MARCHF5: variants seen among roughly 807,000 people sequenced by gnomAD.
MARCHF5 encodes E3 ubiquitin-protein ligase MARCHF5.
In MARCHF5, 5 loss-of-function variants were observed where a neutral mutation model predicts 36.5. The observed-to-expected ratio is 0.14, with a 90% CI of 0.07 to 0.29. The LOEUF (loss-of-function observed/expected upper bound fraction) is 0.29. Among genes scored for constraint, MARCHF5 ranks in the 10% least tolerant of loss-of-function variants. The pLI is 1.00. For missense variants in MARCHF5, 179 were observed against 336.3 expected (o/e 0.53, Z 3.66); for synonymous variants, 103 against 109.9 (o/e 0.94, Z 0.39).
At chr10:92,315,067 C>T (rs2135189857) in intron 2 of MARCHF5, among the ~76,000 whole-genome samples, 1 of 152,322 alleles carries the variant, frequency 6.6e-6, no homozygotes, top group Admixed American at 6.5e-5. Context: ...AGTGCTCTAG[C>T]TATGCTGATT....
intron 2 of MARCHF5, among the ~76,000 whole-genome samples, chr10:92,313,842 G>C (rs1423228612): frequency 1.3e-5 from 2 of 152,124 alleles, no homozygotes; most frequent in African/African-American, 4.8e-5. Flanking sequence ...ACAGTGAGCT[G>C]TGATTGCGCC....
rs1327346966 is a variant in MARCHF5 at position 92,307,202 on chromosome 10, TGTGTGTGTGTGC to T, written c.36-3931_36-3920del. On this transcript the variant is annotated intron_variant, in intron 1 of 5. Coordinates refer to ENST00000358935, the MANE Select transcript of MARCHF5 (RefSeq NM_017824.5). ...GTGTGTGTGTGTGTGTGTGTGTGTG[TGTGTGTGTGTGC>T]GCGTGCATGCACGCACGTGCCCTCC... Among the ~76,000 whole-genome samples the T allele has an allele frequency of 3.8e-3, 412 of 107,648 alleles. 2 individuals carry two copies. Among genetic ancestry groups the T allele is most frequent in the South Asian group, 0.023 (82 of 3,584 alleles). The allele number at this position is 107,648 out of a possible 152,430, so 70.6% of individuals were successfully genotyped here.
At chr10:92,321,601 TTA>T (rs1239837941) in intron 2 of MARCHF5, among the ~76,000 whole-genome samples, 13 of 152,048 alleles carry the variant, frequency 8.5e-5, no homozygotes, top group Non-Finnish European at 1.5e-5. Flanking sequence ...GATCCCTCCT[TTA>T]TGTTTTTTAA....
At chr10:92,330,142 C>G (rs1389158577) in intron 2 of MARCHF5, among the ~76,000 whole-genome samples, 1 of 152,144 alleles carries the variant, frequency 6.6e-6, no homozygotes, top group African/African-American at 2.4e-5. Flanking sequence ...CATGCCTGGC[C>G]CTTCATTTAG....
chr10:92,293,864 A>G (rs1342086282), intron 1 of MARCHF5, among the ~76,000 whole-genome samples: 1 of 152,182 alleles, frequency 6.6e-6, no homozygotes, highest in Non-Finnish European at 1.5e-5. Context: ...GTAGGTGACT[A>G]TGACACTGGC....
At chr10:92,321,213 A>G (rs1180262377) in intron 2 of MARCHF5, among the ~76,000 whole-genome samples, 1 of 152,058 alleles carries the variant, frequency 6.6e-6, no homozygotes, top group Non-Finnish European at 1.5e-5. Context: ...GTGGATACCC[A>G]TCATTGAGTA....
At chr10:92,320,834 A>T (rs937730564) in intron 2 of MARCHF5, among the ~76,000 whole-genome samples, 2 of 152,098 alleles carry the variant, frequency 1.3e-5, no homozygotes, top group Admixed American at 6.5e-5. Context: ...TACAATGTGT[A>T]TAAAGTCTAT....
chr10:92,326,954 A>C (rs1053357661), intron 2 of MARCHF5, among the ~76,000 whole-genome samples: 1 of 152,074 alleles, frequency 6.6e-6, no homozygotes, highest in African/African-American at 2.4e-5. Context: ...CTTGGTTATA[A>C]ATTATAACTA....
intron 2 of MARCHF5, among the ~76,000 whole-genome samples, chr10:92,336,057 C>G (rs150696203): frequency 2.0e-5 from 3 of 152,072 alleles, no homozygotes; most frequent in Non-Finnish European, 4.4e-5. Flanking sequence ...TTTTCTGAGA[C>G]GGAGTTTCGC....
intron 2 of MARCHF5, among the ~76,000 whole-genome samples, chr10:92,330,043 A>G (rs1444206371): frequency 6.6e-6 from 1 of 152,152 alleles, no homozygotes. Flanking sequence ...GGGTTTCACC[A>G]GGTTGGCCAG....
At chr10:92,325,968 C>T (rs377547211) in intron 2 of MARCHF5, among the ~76,000 whole-genome samples, 24 of 152,278 alleles carry the variant, frequency 1.6e-4, no homozygotes, top group Middle Eastern at 6.8e-3. Context: ...CATGAGCCAC[C>T]GTGCCCAGCT....
At chr10:92,336,658 C>T (rs1172486682) in intron 2 of MARCHF5, among the ~76,000 whole-genome samples, 2 of 152,014 alleles carry the variant, frequency 1.3e-5, no homozygotes, top group East Asian at 3.9e-4. Flanking sequence ...GAGGAAGGGG[C>T]ATGGTGGCAC....
chr10:92,332,550 G>T lies in MARCHF5; in HGVS notation c.239-8123G>T, dbSNP rs150169801. On this transcript the variant is annotated intron_variant, in intron 2 of 5. Coordinates refer to ENST00000358935, the MANE Select transcript of MARCHF5 (RefSeq NM_017824.5). ...TTTTTTTTTTTTTGAGACGGAGTTT[G>T]GCTCTTGTTGCCCAGGCTAGAGTGC... Among the ~76,000 whole-genome samples the T allele has an allele frequency of 2.8e-3, 277 of 98,374 alleles. 1 individual carries two copies. Among genetic ancestry groups the T allele is most frequent in the African/African-American group, 0.011 (261 of 24,716 alleles). The allele number at this position is 98,374 out of a possible 152,430, so 64.5% of individuals were successfully genotyped here. A position where few individuals can be genotyped will look rare whatever the true frequency, so the allele number is the denominator to read the frequency against.
At chr10:92,310,138 G>A (rs1236493443) in intron 1 of MARCHF5, among the ~76,000 whole-genome samples, 1 of 152,138 alleles carries the variant, frequency 6.6e-6, no homozygotes, top group African/African-American at 2.4e-5. Flanking sequence ...TAATACCTGA[G>A]TATATAGTCT....
chr10:92,297,483 C>CTTTTTTT (rs965295861), intron 1 of MARCHF5, among the ~76,000 whole-genome samples: 2 of 122,970 alleles, frequency 1.6e-5, no homozygotes, highest in Non-Finnish European at 3.4e-5. Flanking sequence ...CAGCTTTCAA[C>CTTTTTTT]TTTTTTTTTT....
chr10:92,298,684 C>T (rs1842975886), intron 1 of MARCHF5, among the ~76,000 whole-genome samples: 1 of 152,114 alleles, frequency 6.6e-6, no homozygotes, highest in African/African-American at 2.4e-5. Flanking sequence ...TCAAAATATC[C>T]TCCCACCTCA....
chr10:92,317,728 A>C (rs1416683849), intron 2 of MARCHF5, among the ~76,000 whole-genome samples: 1 of 148,402 alleles, frequency 6.7e-6, no homozygotes, highest in African/African-American at 2.5e-5. Flanking sequence ...AAATAGTTTT[A>C]CTTTTTGTTT....
chr10:92,296,901 C>CT (rs1842953987), intron 1 of MARCHF5, among the ~76,000 whole-genome samples: 1 of 152,154 alleles, frequency 6.6e-6, no homozygotes, highest in Admixed American at 6.6e-5. Flanking sequence ...TTCACATTTT[C>CT]TTTGTCAGTT....
At position 92,291,181 on chromosome 10, in the gene MARCHF5, G is replaced by C. The variant is rs566120489; in HGVS notation, c.-314G>C. ...CGGCGACTCTTACCTCACAAAGGTAGCTCCTCCGCCGGCAGCAACTCGGCG... is the reference window on the plus strand; with the variant it reads ...CGGCGACTCTTACCTCACAAAGGTACCTCCTCCGCCGGCAGCAACTCGGCG... On this transcript the variant is annotated 5_prime_UTR_variant, in exon 1 of 6. Coordinates refer to ENST00000358935, the MANE Select transcript of MARCHF5 (RefSeq NM_017824.5). 4.1e-6 allele frequency: 2 copies of C among 487,218 alleles called. No homozygotes were observed. The highest frequency in any genetic ancestry group is 4.2e-5 in the African/African-American group (2 of 48,036). 30.2% of individuals were successfully genotyped at this position (487,218 alleles called of 1,614,324 possible).
Sources: gnomAD v4.1 joint callset for allele counts (sites outside exome capture counted in the v4.1 genomes callset) on GRCh38, gnomAD v4.1.1 for gene constraint, MANE v1.5 for transcripts, NCBI Gene and HGNC (gene_info 2026-07-23, HGNC 2026-07-21) for gene names.